Variants in ARHGAP22 observed in about 807,000 individuals in gnomAD.
ARHGAP22 encodes Rho GTPase activating protein 22, also known as rho GTPase-activating protein 22.
A neutral mutation model predicts 59.1 loss-of-function variants in ARHGAP22; 48 were observed. The ratio of observed to expected loss-of-function variants is 0.81; its 90% CI spans 0.64 to 1.03. The LOEUF is 1.03. Ranked by LOEUF, ARHGAP22 falls within the 50% of genes least tolerant of loss-of-function variation. The pLI, the probability that ARHGAP22 is intolerant of heterozygous loss-of-function variation, is 0.00. For missense variants in ARHGAP22, 1,015 were observed against 958.7 expected, an observed-to-expected ratio of 1.06 and a Z score of -0.78; for synonymous variants, 445 against 416.4, an observed-to-expected ratio of 1.07 and a Z score of -0.84.
At chr10:48,602,234 A>G (rs1242589390) in intron 1 of ARHGAP22, among the ~76,000 whole-genome samples, 1 of 152,160 alleles carries the variant, frequency 6.6e-6, no homozygotes, top group Non-Finnish European at 1.5e-5. Context: ...CCCCACCCCC[A>G]AAGTATTGAC....
chr10:48,483,393 T>C (rs1011253353), intron 3 of ARHGAP22, among the ~76,000 whole-genome samples: 2 of 152,150 alleles, frequency 1.3e-5, no homozygotes, highest in African/African-American at 2.4e-5. Context: ...TCCTTTGATA[T>C]ACTGATTTCC....
At chr10:48,642,117 A>T (rs2062074162) in intron 1 of ARHGAP22, among the ~76,000 whole-genome samples, 1 of 152,116 alleles carries the variant, frequency 6.6e-6, no homozygotes, top group Non-Finnish European at 1.5e-5. Context: ...AACATTCCAT[A>T]CTCATGGATA....
At chr10:48,656,265 T>TGGGGGGGGGGGGGGGG (rs760924651), upstream of ARHGAP22, 2 of 101,644 alleles carry the variant, frequency 2.0e-5, no homozygotes, top group Admixed American at 8.7e-5. Context: ...TCGGCGCCTC[T>TGGGGGGGGGGGGGGGG]GGGGGGGGGG....
At chr10:48,457,148 G>A (rs77602400) in intron 5 of ARHGAP22, among the ~76,000 whole-genome samples, 6,547 of 152,188 alleles carry the variant, frequency 0.043, 171 homozygotes, top group African/African-American at 0.067. Flanking sequence ...CAGGTTCCTC[G>A]TCACCTCTCT....
chr10:48,566,982 G>A (rs1023371001), intron 2 of ARHGAP22, among the ~76,000 whole-genome samples: 4 of 152,206 alleles, frequency 2.6e-5, no homozygotes, highest in Non-Finnish European at 5.9e-5. Flanking sequence ...AGCCTAAGCT[G>A]GAAACCCTGG....
intron 2 of ARHGAP22, among the ~76,000 whole-genome samples, chr10:48,580,604 G>A (rs936076047): frequency 1.3e-4 from 20 of 152,204 alleles, no homozygotes; most frequent in African/African-American, 4.3e-4. Context: ...TGGCAACTCC[G>A]TTCACAGTAA....
chr10:48,642,733 C>T (rs1273658479), intron 1 of ARHGAP22, among the ~76,000 whole-genome samples: 2 of 152,154 alleles, frequency 1.3e-5, no homozygotes, highest in Non-Finnish European at 2.9e-5. Flanking sequence ...CCAAAATTGA[C>T]AAATGGGATC....
intron 3 of ARHGAP22, among the ~76,000 whole-genome samples, chr10:48,544,764 A>C (rs1307128987): frequency 1.3e-5 from 2 of 152,244 alleles, no homozygotes; most frequent in African/African-American, 2.4e-5. Context: ...TGCTCGCAAC[A>C]CAAATAAATG....
intron 4 of ARHGAP22, among the ~76,000 whole-genome samples, chr10:48,473,003 C>G (rs2048370236): frequency 6.6e-6 from 1 of 152,026 alleles, no homozygotes; most frequent in African/African-American, 2.4e-5. Flanking sequence ...GTATATACCC[C>G]AAATAATTGA....
At chr10:48,488,898 T>C (rs1564751170) in intron 3 of ARHGAP22, among the ~76,000 whole-genome samples, 1 of 152,212 alleles carries the variant, frequency 6.6e-6, no homozygotes, top group Non-Finnish European at 1.5e-5. Flanking sequence ...TCTGGACTTT[T>C]AGCTCTGTCT....
At chr10:48,592,014 A>C (rs2059788125) in intron 1 of ARHGAP22, among the ~76,000 whole-genome samples, 1 of 152,188 alleles carries the variant, frequency 6.6e-6, no homozygotes, top group South Asian at 2.1e-4. Flanking sequence ...GATATCTAAA[A>C]ATGTAAAAAC....
At chr10:48,446,978 C>A (rs1380246047) in intron 9 of ARHGAP22, among the ~76,000 whole-genome samples, 1 of 152,194 alleles carries the variant, frequency 6.6e-6, no homozygotes, top group East Asian at 1.9e-4. Context: ...CTCGGACTGT[C>A]CCCTGGCCTT....
At chr10:48,567,968 AG>A (rs1456182473) in intron 2 of ARHGAP22, among the ~76,000 whole-genome samples, 1 of 152,234 alleles carries the variant, frequency 6.6e-6, no homozygotes, top group African/African-American at 2.4e-5. Context: ...TGAACAAAGA[AG>A]TTATAAAATC....
At chr10:48,535,196 C>G (rs1039153896) in intron 3 of ARHGAP22, among the ~76,000 whole-genome samples, 1 of 152,214 alleles carries the variant, frequency 6.6e-6, no homozygotes, top group Non-Finnish European at 1.5e-5. Flanking sequence ...TGTTGATAAC[C>G]TCCTTTTACA....
intron 3 of ARHGAP22, among the ~76,000 whole-genome samples, chr10:48,536,027 C>T (rs1035006239): frequency 3.9e-5 from 6 of 152,122 alleles, no homozygotes; most frequent in Admixed American, 6.5e-5. Flanking sequence ...GGATGGGGCC[C>T]GGCAGAGGCT....
chr10:48,635,607 C>A (rs762648815), intron 1 of ARHGAP22, among the ~76,000 whole-genome samples: 11 of 152,390 alleles, frequency 7.2e-5, no homozygotes, highest in Non-Finnish European at 1.5e-4. Context: ...CCCCCACCCT[C>A]TCCCCTTCCA....
At chr10:48,437,428 A>G in the ARHGAP22 span, 1 of 152,044 alleles carries the variant, frequency 6.6e-6, no homozygotes, top group Non-Finnish European at 1.5e-5. Flanking sequence ...TTCTTATTCT[A>G]TAATTTTGAT....
chr10:48,653,935 G>T (rs1280118649), upstream of ARHGAP22, among the ~76,000 whole-genome samples: 2 of 152,210 alleles, frequency 1.3e-5, no homozygotes, highest in Admixed American at 6.5e-5. Context: ...TGCTAAAAAG[G>T]TATGTATAGT....
At chr10:48,536,997 A>T (rs777094480) in intron 3 of ARHGAP22, among the ~76,000 whole-genome samples, 5 of 152,120 alleles carry the variant, frequency 3.3e-5, no homozygotes, top group Admixed American at 2.6e-4. Context: ...ATAAAAAAAA[A>T]ACCCCATCAC....
Sources: gnomAD v4.1 joint callset for allele counts (sites outside exome capture counted in the v4.1 genomes callset) on GRCh38, gnomAD v4.1.1 for gene constraint, MANE v1.5 for transcripts, NCBI Gene and HGNC (gene_info 2026-07-23, HGNC 2026-07-21) for gene names.